Variants in TTLL1 observed in about 807,000 individuals in gnomAD.
The protein encoded by TTLL1 is TTL family tubulin polyglutamylase complex subunit L1, also known as polyglutamylase complex subunit TTLL1.
TTLL1 carries 33 observed loss-of-function variants against 47.8 expected under a neutral mutation model. The ratio of observed to expected loss-of-function variants is 0.69; its 90% CI spans 0.52 to 0.92. The LOEUF (loss-of-function observed/expected upper bound fraction) is 0.92, where lower values mean the gene tolerates loss of function less well. Among genes scored for constraint, TTLL1 ranks in the 40% least tolerant of loss-of-function variants. TTLL1 has a pLI of 0.00. For synonymous variants in TTLL1, 225 were observed against 214.1 expected (o/e 1.05, Z -0.45); for missense variants, 488 against 547.5 (o/e 0.89, Z 1.08).
intron 10 of TTLL1, among the ~76,000 whole-genome samples, chr22:43,046,189 C>T (rs2146959445): frequency 6.6e-6 from 1 of 152,080 alleles, no homozygotes; most frequent in South Asian, 2.1e-4. Flanking sequence ...CCACTGCAAC[C>T]CAGCCTTGGC....
At chr22:43,084,103 C>T (rs1165597950) in intron 1 of TTLL1, among the ~76,000 whole-genome samples, 1 of 152,128 alleles carries the variant, frequency 6.6e-6, no homozygotes, top group Non-Finnish European at 1.5e-5. Flanking sequence ...AAAAGGGATG[C>T]CACGGAAGAT....
At chr22:43,049,251 T>G (rs1327281727) in intron 9 of TTLL1, among the ~76,000 whole-genome samples, 1 of 151,788 alleles carries the variant, frequency 6.6e-6, no homozygotes, top group Non-Finnish European at 1.5e-5. Context: ...ATGCTGGGCA[T>G]GGTGGCTCAT....
intron 1 of TTLL1, among the ~76,000 whole-genome samples, chr22:43,088,753 T>C (rs1348061152): frequency 2.6e-5 from 4 of 152,168 alleles, no homozygotes; most frequent in Non-Finnish European, 4.4e-5. Context: ...AATGATAAGA[T>C]ACTTTCACTT....
intron 1 of TTLL1, among the ~76,000 whole-genome samples, chr22:43,080,422 TGTTG>T (rs905675239): frequency 1.6e-4 from 24 of 152,092 alleles, no homozygotes; most frequent in Non-Finnish European, 4.4e-5. Context: ...GCTGGCATCT[TGTTG>T]AACAAATGTA....
intron 9 of TTLL1, among the ~76,000 whole-genome samples, chr22:43,051,189 C>T (rs1396861396): frequency 1.3e-5 from 2 of 152,358 alleles, no homozygotes; most frequent in East Asian, 1.9e-4. Flanking sequence ...TCCAGAGCAA[C>T]GGTTGGGCAA....
intron 10 of TTLL1, among the ~76,000 whole-genome samples, chr22:43,041,870 C>T (rs1925709819): frequency 6.6e-6 from 1 of 152,134 alleles, no homozygotes; most frequent in African/African-American, 2.4e-5. Flanking sequence ...AGGCTCTGCA[C>T]CAGGGTGGAG....
At chr22:43,059,245 C>G (rs1320264335) in intron 8 of TTLL1, 139 bp downstream of exon 8, 1 of 1,238,124 alleles carries the variant, frequency 8.1e-7, no homozygotes, top group Non-Finnish European at 1.1e-6. Flanking sequence ...CCGCCCGCCT[C>G]GGCCTCCCAG....
intron 1 of TTLL1, among the ~76,000 whole-genome samples, chr22:43,087,435 A>T (rs760452102): frequency 4.0e-5 from 6 of 151,790 alleles, no homozygotes; most frequent in Non-Finnish European, 7.4e-5. Flanking sequence ...GATGCACGAG[A>T]ATCACTTGAA....
intron 2 of TTLL1, among the ~76,000 whole-genome samples, chr22:43,078,750 A>G (rs1221543789): frequency 6.6e-6 from 1 of 152,060 alleles, no homozygotes; most frequent in Non-Finnish European, 1.5e-5. Context: ...GACTGCTGTT[A>G]GGTGATCCGA....
intron 9 of TTLL1, among the ~76,000 whole-genome samples, chr22:43,048,757 T>C (rs1926358316): frequency 1.3e-5 from 2 of 150,710 alleles, no homozygotes; most frequent in Admixed American, 6.6e-5. Context: ...ACCAACATGG[T>C]AAAACCCCAT....
intron 1 of TTLL1, among the ~76,000 whole-genome samples, chr22:43,085,503 G>T (rs1929175426): frequency 6.6e-6 from 1 of 152,152 alleles, no homozygotes; most frequent in South Asian, 2.1e-4. Context: ...CTGTTCTCGT[G>T]GTAGTGAATA....
chr22:43,046,979 T>C (rs531778434), intron 9 of TTLL1, among the ~76,000 whole-genome samples: 2 of 152,260 alleles, frequency 1.3e-5, no homozygotes, highest in East Asian at 3.9e-4. Flanking sequence ...AAAATGGTTA[T>C]TTAATATTGC....
At chr22:43,057,138 C>T (rs1927069700) in intron 8 of TTLL1, among the ~76,000 whole-genome samples, 2 of 152,124 alleles carry the variant, frequency 1.3e-5, no homozygotes, top group South Asian at 2.1e-4. Flanking sequence ...GACATTGTGG[C>T]GCAAGCCTGT....
intron 1 of TTLL1, among the ~76,000 whole-genome samples, chr22:43,082,189 T>C (rs960991065): frequency 6.6e-6 from 1 of 151,278 alleles, no homozygotes; most frequent in Non-Finnish European, 1.5e-5. Flanking sequence ...ACACAGATAA[T>C]TGATTACGTC....
intron 3 of TTLL1, among the ~76,000 whole-genome samples, chr22:43,074,976 G>A (rs898652765): frequency 2.6e-5 from 4 of 152,074 alleles, no homozygotes; most frequent in African/African-American, 7.2e-5. Context: ...AGACCAGCCC[G>A]GCCAACATGG....
intron 8 of TTLL1, among the ~76,000 whole-genome samples, chr22:43,054,515 C>T (rs1411465389): frequency 6.6e-6 from 1 of 151,612 alleles, no homozygotes; most frequent in Admixed American, 6.6e-5. Flanking sequence ...AATTCCACCT[C>T]CCAGGTTCAA....
At chr22:43,041,303 TAG>T (rs1569405472) in intron 10 of TTLL1, 1 of 152,194 alleles carries the variant, frequency 6.6e-6, no homozygotes, top group Non-Finnish European at 1.5e-5. Context: ...CGGTTGTATG[TAG>T]GTATTTGTGT....
chr22:43,055,292 G>T (rs1926925966), intron 8 of TTLL1, among the ~76,000 whole-genome samples: 1 of 151,762 alleles, frequency 6.6e-6, no homozygotes, highest in Non-Finnish European at 1.5e-5. Flanking sequence ...TCAAAGTGCT[G>T]GGATTACAGG....
intron 10 of TTLL1, among the ~76,000 whole-genome samples, chr22:43,045,081 T>A (rs1415524096): frequency 6.6e-6 from 1 of 152,200 alleles, no homozygotes; most frequent in Non-Finnish European, 1.5e-5. Context: ...CAGGCTGGTC[T>A]TGAACTCCTG....
Sources: allele counts gnomAD v4.1 joint callset (sites outside exome capture counted in the v4.1 genomes callset), GRCh38; gene constraint gnomAD v4.1.1; transcripts MANE v1.5; gene names NCBI Gene and HGNC (gene_info 2026-07-23, HGNC 2026-07-21).